SATL1: variants seen among roughly 807,000 people sequenced by gnomAD.
SATL1 encodes spermidine/spermine N(1)-acetyltransferase-like protein 1.
Under a neutral mutation model 51.8 loss-of-function variants are expected in SATL1, and 47 were observed. The ratio of observed to expected loss-of-function variants is 0.91; its 90% CI spans 0.72 to 1.16. SATL1 has a LOEUF of 1.16. Among genes scored for constraint, SATL1 ranks in the 50% most tolerant of loss-of-function variants. The pLI is 0.00. For synonymous variants in SATL1, 176 were observed against 182.4 expected, an observed-to-expected ratio of 0.97 and a Z score of 0.28; for missense variants, 520 against 526.4, an observed-to-expected ratio of 0.99 and a Z score of 0.12.
chrX:85,211,121 C>A (rs1927912868), intron 2 of SATL1: 1 of 111,807 alleles, frequency 8.9e-6, no homozygotes, highest in South Asian at 3.7e-4. Context: ...ATTTTATAGA[C>A]TGCATCAAAT....
At chrX:85,163,732 G>A (rs1210208942) in intron 2 of SATL1, among the ~76,000 whole-genome samples, 2 of 111,534 alleles carry the variant, frequency 1.8e-5, no homozygotes, top group African/African-American at 6.5e-5. Context: ...TGCATATTCT[G>A]CAGTTGTTGG....
chrX:85,214,902 G>T (rs1418662932), intron 2 of SATL1, among the ~76,000 whole-genome samples: 2 of 111,909 alleles, frequency 1.8e-5, no homozygotes, highest in African/African-American at 6.5e-5. Context: ...AAGACCTCAA[G>T]AAGCTCCACT....
At chrX:85,120,522 C>G (rs1285176285) in intron 2 of SATL1, among the ~76,000 whole-genome samples, 1 of 111,527 alleles carries the variant, frequency 9.0e-6, no homozygotes, top group Non-Finnish European at 1.9e-5. Flanking sequence ...TCCAACATAG[C>G]AGGAAACAAA....
At position 85,194,307 on chromosome X, in the gene SATL1, T is replaced by A. The variant is rs757651819; in HGVS notation, c.-313+29898A>T. 6.3e-5 allele frequency among the ~76,000 whole-genome samples: 7 copies of A among 111,563 alleles called. No homozygotes were observed. The South Asian group carries it at 2.6e-3, about 42-fold the overall frequency. On this transcript the variant is annotated intron_variant, in intron 2 of 7. Transcript: ENST00000644105. Reference sequence around the variant, plus strand: ...AGAGTGCTGTGATCAGATCTGCATTTTAGAAATATCACTGGTTACTTTGTA... The same window carrying A: ...AGAGTGCTGTGATCAGATCTGCATTATAGAAATATCACTGGTTACTTTGTA...
intron 2 of SATL1, among the ~76,000 whole-genome samples, chrX:85,218,719 C>T (rs1359085490): frequency 5.4e-5 from 6 of 111,143 alleles, no homozygotes; most frequent in Non-Finnish European, 9.4e-5. Flanking sequence ...GACCTTGGTA[C>T]TATAGTATGA....
chrX:85,095,682 C>T (rs1466591529), intron 4 of SATL1, among the ~76,000 whole-genome samples: 10 of 105,010 alleles, frequency 9.5e-5, no homozygotes, highest in African/African-American at 2.4e-4. Flanking sequence ...AAAAATTAGC[C>T]GGGCGTAGTG....
At chrX:85,192,546 A>G (rs1355128033) in intron 2 of SATL1, among the ~76,000 whole-genome samples, 2 of 110,767 alleles carry the variant, frequency 1.8e-5, no homozygotes, top group Admixed American at 9.7e-5. Context: ...CTACTCCCAC[A>G]TACCTGAAAA....
chrX:85,149,349 C>G (rs1228110429), intron 2 of SATL1, among the ~76,000 whole-genome samples: 3 of 111,234 alleles, frequency 2.7e-5, no homozygotes, highest in Non-Finnish European at 3.8e-5. Flanking sequence ...GTCTTAGACT[C>G]CCATACAATA....
At chrX:85,133,723 T>C (rs958599658) in intron 2 of SATL1, among the ~76,000 whole-genome samples, 2 of 111,937 alleles carry the variant, frequency 1.8e-5, no homozygotes, top group Non-Finnish European at 3.8e-5. Context: ...AAATCACCCG[T>C]CTTCTGTGTC....
At chrX:85,242,227 G>A (rs1278096923) in intron 1 of SATL1, among the ~76,000 whole-genome samples, 1 of 112,440 alleles carries the variant, frequency 8.9e-6, no homozygotes, top group African/African-American at 3.2e-5. Flanking sequence ...TCTTCTTTGA[G>A]TGTCCTGTTG....
At chrX:85,165,543 G>A (rs1484357221) in intron 2 of SATL1, among the ~76,000 whole-genome samples, 1 of 109,520 alleles carries the variant, frequency 9.1e-6, no homozygotes. Context: ...TTCTTTATCT[G>A]GCAATTTAGA....
chrX:85,103,121 A>G lies in SATL1; in HGVS notation c.1693+743T>C, dbSNP rs1924940070. The stretch of plus-strand genomic sequence containing the variant: ...AGTATAAGAACATAAGTATCATCAC[A>G]TAAGACAACTGATCCATGATCTATG... On this transcript the variant is annotated intron_variant, in intron 4 of 7. Transcript: ENST00000644105. 2.7e-5 allele frequency among the ~76,000 whole-genome samples: 3 copies of G among 111,876 alleles called. No homozygotes were observed. In the South Asian group the frequency reaches 1.1e-3, roughly 42 times the overall value.
chrX:85,104,040 C>A, intron 3 of SATL1, 125 bp from the exon 4 acceptor site: 1 of 461,366 alleles, frequency 2.2e-6, no homozygotes, highest in Non-Finnish European at 3.8e-6. Flanking sequence ...AAAAGTGAGT[C>A]AGACTTAATC....
intron 2 of SATL1, among the ~76,000 whole-genome samples, chrX:85,185,974 C>A (rs1013595977): frequency 9.0e-6 from 1 of 110,779 alleles, no homozygotes; most frequent in Non-Finnish European, 1.9e-5. Context: ...TCACCCAAGG[C>A]CCACGGCGAG....
chrX:85,101,169 C>T (rs1466782565), intron 4 of SATL1, among the ~76,000 whole-genome samples: 2 of 111,961 alleles, frequency 1.8e-5, no homozygotes, highest in Non-Finnish European at 3.8e-5. Flanking sequence ...ACCAAAAGCA[C>T]AAGTGACAAA....
chrX:85,140,454 T>C (rs1487933899), intron 2 of SATL1, among the ~76,000 whole-genome samples: 1 of 111,871 alleles, frequency 8.9e-6, no homozygotes, highest in Non-Finnish European at 1.9e-5. Flanking sequence ...GCCACACAGT[T>C]AGCAAGTGGC....
At chrX:85,195,052 G>T (rs184643868) in intron 2 of SATL1, among the ~76,000 whole-genome samples, 1,368 of 110,170 alleles carry the variant, frequency 0.012, 13 homozygotes, top group South Asian at 0.031. Context: ...AAAGACAACA[G>T]TTTTGACCCT....
At chrX:85,226,580 T>C (rs1414158908) in intron 1 of SATL1, among the ~76,000 whole-genome samples, 1 of 111,500 alleles carries the variant, frequency 9.0e-6, no homozygotes, top group Non-Finnish European at 1.9e-5. Flanking sequence ...TATATTTTAC[T>C]GTTCCTTCTT....
intron 2 of SATL1, among the ~76,000 whole-genome samples, chrX:85,150,900 T>C (rs1926412277): frequency 9.1e-6 from 1 of 110,457 alleles, no homozygotes; most frequent in South Asian, 4.0e-4. Context: ...CTTTGAAAAC[T>C]GGCACAAGAC....
Sources: gnomAD v4.1 joint callset for allele counts (sites outside exome capture counted in the v4.1 genomes callset) on GRCh38, gnomAD v4.1.1 for gene constraint, MANE v1.5 for transcripts, NCBI Gene and HGNC (gene_info 2026-07-23, HGNC 2026-07-21) for gene names.